Variants in WWOX observed in about 807,000 individuals in gnomAD.
WWOX encodes the protein WW domain-containing oxidoreductase.
In WWOX, 69 loss-of-function variants were observed where a neutral mutation model predicts 46.2. The ratio of observed to expected loss-of-function variants is 1.49; its 90% confidence interval spans 1.23 to 1.82. WWOX has a LOEUF of 1.82. Among genes scored for constraint, WWOX ranks in the 40% most tolerant of loss-of-function variants. WWOX has a pLI of 0.00. For synonymous variants in WWOX, 359 were observed against 202.6 expected, an observed-to-expected ratio of 1.77 and a Z score of -6.56; for missense variants, 919 against 542.6, an observed-to-expected ratio of 1.69 and a Z score of -6.89.
chr16:78,508,307 G>A (rs1219914171), intron 8 of WWOX, among the ~76,000 whole-genome samples: 3 of 108,030 alleles, frequency 2.8e-5, no homozygotes, highest in Non-Finnish European at 5.1e-5. Context: ...CACTGCGCCC[G>A]GCCTTTTTTT....
intron 8 of WWOX, among the ~76,000 whole-genome samples, chr16:78,828,923 G>A (rs182465519): frequency 2.6e-5 from 4 of 152,228 alleles, no homozygotes; most frequent in African/African-American, 9.6e-5. Flanking sequence ...TTAGAGATAA[G>A]GTAATCAAAA....
intron 8 of WWOX, among the ~76,000 whole-genome samples, chr16:79,022,633 C>T (rs1251886871): frequency 6.6e-6 from 1 of 152,096 alleles, no homozygotes; most frequent in East Asian, 1.9e-4. Flanking sequence ...ACAAGTGTTC[C>T]TGGTTGTGGC....
At chr16:78,570,588 ATAGG>A (rs2044691460) in intron 8 of WWOX, among the ~76,000 whole-genome samples, 1 of 152,126 alleles carries the variant, frequency 6.6e-6, no homozygotes. Context: ...TACAGGGATT[ATAGG>A]TGTGAGCCAC....
intron 8 of WWOX, among the ~76,000 whole-genome samples, chr16:78,747,089 C>G (rs1247605575): frequency 2.6e-5 from 4 of 152,036 alleles, no homozygotes; most frequent in Admixed American, 2.6e-4. Context: ...CTCTAGTCTT[C>G]TTTCTTTTCC....
chr16:78,214,742 C>G (rs1243850068), intron 5 of WWOX, among the ~76,000 whole-genome samples: 7 of 151,728 alleles, frequency 4.6e-5, no homozygotes, highest in Non-Finnish European at 1.0e-4. Context: ...TGGCTTCATA[C>G]TTTGATTTTA....
rs981043122 is a variant in WWOX at position 78,162,167 on chromosome 16, G to A, written c.410-2016G>A. On this transcript the variant is annotated intron_variant, in intron 4 of 8. Transcript: ENST00000566780. ...AGGTGACAAACAAAAAGCAGCTTTC[G>A]TTTGCTTAAAATTTTTGTTCTCTGC... is the stretch of plus-strand genomic sequence containing the variant. Among the ~76,000 whole-genome samples, 4 of 151,964 alleles carry A rather than the reference G, an allele frequency of 2.6e-5. No individual in the cohort carries two copies. The South Asian group carries it at 6.2e-4, about 24-fold the overall frequency.
At chr16:78,759,198 G>A (rs1446537886) in intron 8 of WWOX, among the ~76,000 whole-genome samples, 5 of 152,148 alleles carry the variant, frequency 3.3e-5, no homozygotes, top group African/African-American at 1.2e-4. Context: ...ACACGGAGAA[G>A]TGTTAGAACA....
chr16:79,194,518 A>C (rs1176473037), intron 8 of WWOX, among the ~76,000 whole-genome samples: 1 of 152,186 alleles, frequency 6.6e-6, no homozygotes, highest in Non-Finnish European at 1.5e-5. Context: ...CAAGTGGTTT[A>C]ACAAGTTTCC....
chr16:78,814,231 A>G (rs1410216423), intron 8 of WWOX, among the ~76,000 whole-genome samples: 3 of 152,332 alleles, frequency 2.0e-5, no homozygotes, highest in African/African-American at 7.2e-5. Context: ...ATGTGCCTCC[A>G]TCTTACATCA....
At chr16:78,590,016 T>C (rs2045313185) in intron 8 of WWOX, among the ~76,000 whole-genome samples, 1 of 152,162 alleles carries the variant, frequency 6.6e-6, no homozygotes. Flanking sequence ...GTGTTGCTTC[T>C]TACGTGTCAC....
chr16:78,738,946 A>G (rs375652514), intron 8 of WWOX, among the ~76,000 whole-genome samples: 1 of 152,116 alleles, frequency 6.6e-6, no homozygotes, highest in African/African-American at 2.4e-5. Flanking sequence ...CCTAAATGCA[A>G]CTTCTCATGC....
intron 5 of WWOX, among the ~76,000 whole-genome samples, chr16:78,375,694 G>T (rs1385428635): frequency 1.3e-5 from 2 of 152,066 alleles, no homozygotes; most frequent in East Asian, 3.9e-4. Context: ...TTGACCTAGT[G>T]AGTCTACTTC....
intron 8 of WWOX, among the ~76,000 whole-genome samples, chr16:79,046,311 A>G (rs2048064673): frequency 6.6e-6 from 1 of 152,186 alleles, no homozygotes; most frequent in South Asian, 2.1e-4. Flanking sequence ...GCACCAGCAC[A>G]TAGTAGATGA....
At chr16:78,880,776 C>G (rs773602077) in intron 8 of WWOX, among the ~76,000 whole-genome samples, 2 of 152,144 alleles carry the variant, frequency 1.3e-5, no homozygotes, top group Admixed American at 6.5e-5. Context: ...AAAGAACTAA[C>G]TGTATCAAAT....
chr16:78,436,314 C>T (rs546005473), intron 8 of WWOX, among the ~76,000 whole-genome samples: 3 of 152,194 alleles, frequency 2.0e-5, no homozygotes, highest in African/African-American at 7.2e-5. Flanking sequence ...GTAGAAAGGG[C>T]GTCCAGGTGA....
At chr16:79,189,176 C>A (rs530862981) in intron 8 of WWOX, among the ~76,000 whole-genome samples, 6 of 152,296 alleles carry the variant, frequency 3.9e-5, no homozygotes, top group Admixed American at 6.5e-5. Flanking sequence ...GGTCTGTCGT[C>A]TTCCATAATG....
In WWOX at chr16:78,747,525, A is replaced by G. The variant is rs571929508; in HGVS notation, c.1056+314773A>G. Among the ~76,000 whole-genome samples the G allele has an allele frequency of 4.4e-4, 67 of 152,292 alleles. No individual in the cohort carries two copies. The South Asian group carries it at 0.011, about 25-fold the overall frequency. ...ACAACCCTAGGAGACAGGCATTACA[A>G]TGAGCCTTCGTAATGTTCAGATGAG... On this transcript the variant is annotated intron_variant, in intron 8 of 8. Transcript: ENST00000566780.
At chr16:78,556,578 C>T (rs1247925910) in intron 8 of WWOX, among the ~76,000 whole-genome samples, 3 of 152,106 alleles carry the variant, frequency 2.0e-5, no homozygotes, top group Non-Finnish European at 4.4e-5. Context: ...GCTGGACCGG[C>T]GTGCGGTGAG....
At chr16:79,070,754 G>C (rs911850551) in intron 8 of WWOX, among the ~76,000 whole-genome samples, 2 of 152,178 alleles carry the variant, frequency 1.3e-5, no homozygotes, top group Non-Finnish European at 2.9e-5. Flanking sequence ...CAATGGAAAG[G>C]CCTCTTTTAA....
Sources: gnomAD v4.1 joint callset for allele counts (sites outside exome capture counted in the v4.1 genomes callset) on GRCh38, gnomAD v4.1.1 for gene constraint, MANE v1.5 for transcripts, NCBI Gene and HGNC (gene_info 2026-07-23, HGNC 2026-07-21) for gene names.